The following KIAA1217 variants were observed in gnomAD, a reference collection of about 807,000 sequenced individuals.
KIAA1217 encodes the protein KIAA1217.
In KIAA1217, 88 loss-of-function variants were observed where a neutral mutation model predicts 163.9. That is an observed-to-expected ratio of 0.54 (90% CI 0.45 to 0.64). KIAA1217 has a LOEUF of 0.64. Ranked by LOEUF, KIAA1217 falls within the 30% of genes least tolerant of loss-of-function variation. The pLI is 0.00. For missense variants in KIAA1217, 2,372 were observed against 2,475.0 expected (o/e 0.96, Z 0.88); for synonymous variants, 903 against 923.1 (o/e 0.98, Z 0.39).
chr10:24,522,718 C>T (rs1564853969), intron 12 of KIAA1217, among the ~76,000 whole-genome samples: 2 of 152,198 alleles, frequency 1.3e-5, no homozygotes, highest in South Asian at 4.1e-4. Context: ...CTTCACTGGC[C>T]AGGCACAGTG....
intron 2 of KIAA1217, among the ~76,000 whole-genome samples, chr10:24,032,505 G>A (rs1564623107): frequency 6.6e-6 from 1 of 152,008 alleles, no homozygotes. Flanking sequence ...TTAAAGTGCT[G>A]GCATTACAGG....
chr10:24,540,415 G>T (rs537905362), intron 17 of KIAA1217, among the ~76,000 whole-genome samples: 2 of 152,074 alleles, frequency 1.3e-5, no homozygotes, highest in African/African-American at 4.8e-5. Flanking sequence ...TGTATTTTTA[G>T]TAGAGACAGG....
chr10:23,989,864 C>A (rs1846142323), intron 1 of KIAA1217, among the ~76,000 whole-genome samples: 2 of 152,158 alleles, frequency 1.3e-5, no homozygotes, highest in South Asian at 4.1e-4. Flanking sequence ...CTAGTGACTG[C>A]ACATTGCTTC....
intron 1 of KIAA1217, among the ~76,000 whole-genome samples, chr10:23,828,809 T>A (rs1250657289): frequency 6.6e-6 from 1 of 152,170 alleles, no homozygotes; most frequent in African/African-American, 2.4e-5. Flanking sequence ...AGAAACTGAG[T>A]GTATAGCAAC....
intron 2 of KIAA1217, among the ~76,000 whole-genome samples, chr10:24,196,172 C>CACACACACACACACACACACACAT (rs1222471443): frequency 2.3e-4 from 34 of 146,652 alleles, no homozygotes; most frequent in Middle Eastern, 3.4e-3. Context: ...CACACACACA[C>CACACACACACACACACACACACAT]TGCCCTCACA....
chr10:24,128,547 A>G (rs1253888436), intron 2 of KIAA1217, among the ~76,000 whole-genome samples: 1 of 152,188 alleles, frequency 6.6e-6, no homozygotes, highest in Non-Finnish European at 1.5e-5. Flanking sequence ...CACACGACCT[A>G]TTGATGTGCA....
chr10:24,540,574 A>G (rs1318018171), intron 17 of KIAA1217, among the ~76,000 whole-genome samples: 3 of 152,122 alleles, frequency 2.0e-5, no homozygotes, highest in African/African-American at 7.2e-5. Context: ...ATGACCAACC[A>G]ACAGACACCA....
Position 23,846,858 on chromosome 10 carries a change from A to G in KIAA1217, c.-321+151624A>G, listed in dbSNP as rs192859828. On this transcript the variant is annotated intron_variant, in intron 1 of 18. Transcript: ENST00000376462. ...CCGGTTTTTGCCCATTCAGTATGAT[A>G]TTGGCTGTGGGTTTGTCATAAATAG... is the stretch of plus-strand genomic sequence containing the variant. Among the ~76,000 whole-genome samples, 1,044 of 151,976 alleles carry G rather than the reference A, an allele frequency of 6.9e-3. 9 individuals carry two copies. The highest frequency in any genetic ancestry group is 0.011 in the Non-Finnish European group (730 of 67,952).
intron 2 of KIAA1217, among the ~76,000 whole-genome samples, chr10:24,064,678 C>T (rs943792767): frequency 6.6e-6 from 1 of 152,142 alleles, no homozygotes; most frequent in South Asian, 2.1e-4. Context: ...GGAAGATTCC[C>T]TCTTTTTCTA....
At chr10:23,896,942 T>A (rs1180863916) in intron 1 of KIAA1217, among the ~76,000 whole-genome samples, 1 of 152,058 alleles carries the variant, frequency 6.6e-6, no homozygotes, top group East Asian at 1.9e-4. Flanking sequence ...TTTTGCTTCT[T>A]TGAGATATTG....
intron 2 of KIAA1217, among the ~76,000 whole-genome samples, chr10:24,156,258 A>C (rs978062101): frequency 2.6e-5 from 4 of 152,062 alleles, no homozygotes; most frequent in Non-Finnish European, 4.4e-5. Flanking sequence ...AACCAGCATA[A>C]TTATTTTGAG....
At chr10:24,048,063 C>A (rs755995034) in intron 2 of KIAA1217, among the ~76,000 whole-genome samples, 1 of 152,144 alleles carries the variant, frequency 6.6e-6, no homozygotes, top group Non-Finnish European at 1.5e-5. Flanking sequence ...ATCTGACTGC[C>A]TTTAGGACCA....
chr10:24,063,516 A>G (rs929830358), intron 2 of KIAA1217, among the ~76,000 whole-genome samples: 1 of 152,206 alleles, frequency 6.6e-6, no homozygotes, highest in African/African-American at 2.4e-5. Context: ...TTTTGGTACC[A>G]GTACCATGCT....
chr10:23,757,202 G>A (rs956551346), intron 1 of KIAA1217, among the ~76,000 whole-genome samples: 8 of 151,944 alleles, frequency 5.3e-5, no homozygotes, highest in South Asian at 2.1e-4. Flanking sequence ...ATATATCTTC[G>A]AGATCCCACT....
chr10:23,836,993 C>T (rs1224102535), intron 1 of KIAA1217, among the ~76,000 whole-genome samples: 1 of 152,094 alleles, frequency 6.6e-6, no homozygotes, highest in African/African-American at 2.4e-5. Flanking sequence ...AGTAATTTCT[C>T]ATTCCCCACC....
At chr10:24,075,806 G>A (rs934382270) in intron 2 of KIAA1217, among the ~76,000 whole-genome samples, 2 of 152,096 alleles carry the variant, frequency 1.3e-5, no homozygotes, top group Non-Finnish European at 2.9e-5. Context: ...GTTTCACCAT[G>A]TTGGTCAGGC....
At chr10:23,824,861 C>G (rs1837825520) in intron 1 of KIAA1217, among the ~76,000 whole-genome samples, 1 of 151,604 alleles carries the variant, frequency 6.6e-6, no homozygotes, top group African/African-American at 2.4e-5. Flanking sequence ...CGCTAATTAT[C>G]CTGGCATATT....
intron 2 of KIAA1217, among the ~76,000 whole-genome samples, chr10:24,168,621 G>A (rs1315405094): frequency 6.6e-6 from 1 of 152,202 alleles, no homozygotes; most frequent in Non-Finnish European, 1.5e-5. Flanking sequence ...ATAAAGTGAG[G>A]TGGGAAGAAC....
intron 1 of KIAA1217, among the ~76,000 whole-genome samples, chr10:23,795,979 T>A (rs1836181518): frequency 6.6e-6 from 1 of 152,248 alleles, no homozygotes. Flanking sequence ...CAAGGCTAAG[T>A]GCCTGGAATT....
Sources: allele counts gnomAD v4.1 joint callset (sites outside exome capture counted in the v4.1 genomes callset), GRCh38; gene constraint gnomAD v4.1.1; transcripts MANE v1.5; gene names NCBI Gene and HGNC (gene_info 2026-07-23, HGNC 2026-07-21).